Variants in CLDN19 observed in about 807,000 individuals in gnomAD.
The protein encoded by CLDN19 is claudin-19.
Under a neutral mutation model 24.5 loss-of-function variants are expected in CLDN19, and 19 were observed. The ratio of observed to expected loss-of-function variants is 0.78; its 90% CI spans 0.54 to 1.14. CLDN19 has a LOEUF of 1.14. Ranked by LOEUF, CLDN19 falls within the 50% of genes most tolerant of loss-of-function variation. CLDN19 has a pLI of 0.00. For missense variants in CLDN19, 250 were observed against 295.9 expected (o/e 0.84, Z 1.14); for synonymous variants, 117 against 129.6 (o/e 0.90, Z 0.66).
In CLDN19 at chr1:42,738,510, A is replaced by G; in HGVS notation, c.299T>C (p.Val100Ala). 6.2e-7 allele frequency: 1 copy of G among 1,614,016 alleles called. No individual in the cohort carries two copies. The highest frequency in any genetic ancestry group is 8.5e-7 in the Non-Finnish European group (1 of 1,180,024). The stretch of plus-strand genomic sequence containing the variant: ...TCCCACCCGCGTACACTTCATGCCA[A>G]CTACGCTGAGGACCATGGCCACGAA... ...LGFVAMVLSV[V>A]GMKCTRVGDS... Residue 100 changes from valine to alanine, a missense_variant, in exon 2 of 5, where the codon GTT (valine) becomes GCT (alanine). Coordinates refer to ENST00000296387, the MANE Select transcript of CLDN19 (RefSeq NM_148960.3).
chr1:42,736,486 A>G (rs1651378867), intron 3 of CLDN19, among the ~76,000 whole-genome samples: 1 of 151,856 alleles, frequency 6.6e-6, no homozygotes, highest in African/African-American at 2.4e-5. Context: ...TGGGCTCTCC[A>G]CACCCAGACC....
chr1:42,735,004 G>A lies in CLDN19; in HGVS notation c.*82C>T, dbSNP rs890355984. ...CCGAATGATACCATGATTGGGGCTG[G>A]ATGTTCACTTCTCTTTCCAAAAAAA... On this transcript the variant is annotated 3_prime_UTR_variant, in exon 5 of 5. Transcript: ENST00000296387. 47 of 1,121,536 alleles carry A rather than the reference G, an allele frequency of 4.2e-5. No homozygotes were observed. In the Middle Eastern group the frequency reaches 5.9e-4, roughly 14 times the overall value. The allele number at this position is 1,121,536 out of a possible 1,614,324, so 69.5% of individuals were successfully genotyped here.
intron 4 of CLDN19, 139 bp from the exon 5 acceptor site, chr1:42,735,273 A>C: frequency 1.3e-6 from 2 of 1,537,182 alleles, no homozygotes; most frequent in South Asian, 2.4e-5. Flanking sequence ...CCTGGGGCCC[A>C]TTCCCGGGGG....
chr1:42,736,788 A>G (rs1187680820), intron 3 of CLDN19, among the ~76,000 whole-genome samples: 1 of 152,248 alleles, frequency 6.6e-6, no homozygotes, highest in African/African-American at 2.4e-5. Flanking sequence ...CAGAGCCATC[A>G]GTGTCCCCAG....
chr1:42,734,068 C>A lies in CLDN19; in HGVS notation c.*1018G>T, dbSNP rs114944537. On this transcript the variant is annotated 3_prime_UTR_variant, in exon 5 of 5. Coordinates refer to ENST00000296387, the MANE Select transcript of CLDN19 (RefSeq NM_148960.3). ...ATGCTTTCCCCAGAAGCCTGATACG[C>A]AGTGGCCAGGGAGACTGAGTCCCGG... 3,307 of 152,634 alleles carry A rather than the reference C, an allele frequency of 0.022. 65 individuals carry two copies. Among genetic ancestry groups the A allele is most frequent in the South Asian group, 0.05 (243 of 4,830 alleles). 9.5% of individuals were successfully genotyped at this position (152,634 alleles called of 1,614,324 possible). A position where few individuals can be genotyped will look rare whatever the true frequency, so the allele number is the denominator to read the frequency against.
chr1:42,738,473 G>T lies in CLDN19; in HGVS notation c.336C>A (p.Pro112=). The part of the protein sequence containing the change: ...MKCTRVGDSN[P]IAKGRVAIAG... ...CGATGGCAACACGGCCCTTGGCAATGGGGTTGCTGTCTCCCACCCGCGTAC... is the reference window on the plus strand; with the variant it reads ...CGATGGCAACACGGCCCTTGGCAATTGGGTTGCTGTCTCCCACCCGCGTAC... The change falls in exon 2 of 5, where the codon CCC becomes CCA. Residue 112 remains proline, a synonymous_variant. Coordinates refer to ENST00000296387, the MANE Select transcript of CLDN19 (RefSeq NM_148960.3). 6.2e-7 allele frequency: 1 copy of T among 1,614,054 alleles called. No individual in the cohort carries two copies. The highest frequency in any genetic ancestry group is 8.5e-7 in the Non-Finnish European group (1 of 1,180,036).
At chr1:42,738,677 G>A in intron 1 of CLDN19, 92 bp from the exon 2 acceptor site, 6 of 1,286,096 alleles carry the variant, frequency 4.7e-6, no homozygotes, top group Non-Finnish European at 6.5e-6. Flanking sequence ...GCTTGAGAGG[G>A]GCTTGAGCAG....
chr1:42,736,059 G>C (rs992157769), intron 3 of CLDN19, 29 bp from the exon 4 acceptor site: 2 of 1,460,300 alleles, frequency 1.4e-6, no homozygotes, highest in African/African-American at 2.8e-5. Flanking sequence ...GTGGCATCAG[G>C]TGTGGCTGCC....
chr1:42,738,498 C>T lies in CLDN19; in HGVS notation c.311G>A (p.Cys104Tyr). ...GGGGTTGCTGTCTCCCACCCGCGTA[C>T]ACTTCATGCCAACTACGCTGAGGAC... ...AMVLSVVGMK[C>Y]TRVGDSNPIA... The change falls in exon 2 of 5, where the codon TGT (cysteine) becomes TAT (tyrosine). Residue 104 changes from cysteine to tyrosine, a missense_variant. Coordinates refer to ENST00000296387, the MANE Select transcript of CLDN19 (RefSeq NM_148960.3). 1 of 1,614,060 alleles carries T rather than the reference C, an allele frequency of 6.2e-7. No individual in the cohort carries two copies. The highest frequency in any genetic ancestry group is 1.1e-5 in the South Asian group (1 of 91,090).
At chr1:42,737,886 T>C (rs369523852) in intron 3 of CLDN19, among the ~76,000 whole-genome samples, 10 of 152,316 alleles carry the variant, frequency 6.6e-5, no homozygotes, top group African/African-American at 2.2e-4. Flanking sequence ...TTTCACCATG[T>C]TGGCCAGGCT....
chr1:42,738,640 G>A (rs538931998), intron 1 of CLDN19, 55 bp from the exon 2 acceptor site: 6 of 1,573,374 alleles, frequency 3.8e-6, no homozygotes, highest in Non-Finnish European at 5.2e-6. Context: ...GGTTGGGTCG[G>A]TGCCTGGGGT....
At position 42,734,565 on chromosome 1, in the gene CLDN19, C is replaced by A. The variant is rs1651292928; in HGVS notation, c.*521G>T. ...GGAGCTCCTACACTGTGTCCCCTCACCTATCGCTGATCCCCAGCATCCAGC... is the reference window on the plus strand; with the variant it reads ...GGAGCTCCTACACTGTGTCCCCTCAACTATCGCTGATCCCCAGCATCCAGC... On this transcript the variant is annotated 3_prime_UTR_variant, in exon 5 of 5. Transcript: ENST00000296387. 6.1e-6 allele frequency: 1 copy of A among 163,024 alleles called. No homozygotes were observed. The highest frequency in any genetic ancestry group is 5.7e-5 in the Admixed American group (1 of 17,434). 10.1% of individuals were successfully genotyped at this position (163,024 alleles called of 1,614,324 possible). A position where few individuals can be genotyped will look rare whatever the true frequency, so the allele number is the denominator to read the frequency against.
chr1:42,737,775 C>T (rs1315017295), intron 3 of CLDN19, among the ~76,000 whole-genome samples: 2 of 152,164 alleles, frequency 1.3e-5, no homozygotes, highest in Non-Finnish European at 1.5e-5. Flanking sequence ...TTTTGCCTCC[C>T]GGGTTCAAGC....
intron 1 of CLDN19, among the ~76,000 whole-genome samples, chr1:42,739,079 G>T (rs976854484): frequency 6.6e-6 from 1 of 152,102 alleles, no homozygotes; most frequent in African/African-American, 2.4e-5. Context: ...ACGGGTGCAT[G>T]GGTCCATCCT....
chr1:42,738,668 C>T, intron 1 of CLDN19, 83 bp from the exon 2 acceptor site: 2 of 1,389,838 alleles, frequency 1.4e-6, no homozygotes, highest in East Asian at 4.9e-5. Flanking sequence ...AGGAGCCCAG[C>T]TTGAGAGGGG....
In CLDN19 at chr1:42,735,231, G is replaced by A. The variant is rs562452279; in HGVS notation, c.627-97C>T. 346 of 1,581,946 alleles carry A rather than the reference G, an allele frequency of 2.2e-4. 3 individuals carry two copies. In the South Asian group the frequency reaches 3.1e-3, roughly 14 times the overall value. On this transcript the variant is annotated intron_variant, in intron 4 of 4. Coordinates refer to ENST00000296387, the MANE Select transcript of CLDN19 (RefSeq NM_148960.3). The stretch of plus-strand genomic sequence containing the variant: ...GGCCCGGACATGGGTACTGGCCAGC[G>A]TGGCCAGACCTTGGCCCTCACAGCA...
intron 3 of CLDN19, among the ~76,000 whole-genome samples, 173 bp from the exon 4 acceptor site, chr1:42,736,203 C>CA (rs1415624261): frequency 3.3e-5 from 5 of 152,264 alleles, no homozygotes; most frequent in Middle Eastern, 6.8e-3. Flanking sequence ...CCCTCCCCCC[C>CA]AGCCCAGAAT....
intron 4 of CLDN19, chr1:42,735,492 G>A (rs1651329757): frequency 7.1e-7 from 1 of 1,412,920 alleles, no homozygotes; most frequent in African/African-American, 1.4e-5. Context: ...GGGTACTAAG[G>A]TACGTCTTGG....
rs1291749652 is a variant in CLDN19 at position 42,739,924 on chromosome 1, T to C, written c.140A>G (p.Tyr47Cys). The change falls in exon 1 of 5, where the codon TAT (tyrosine) becomes TGT (cysteine). Residue 47 changes from tyrosine to cysteine, a missense_variant. Transcript: ENST00000296387. Reference sequence around the variant, plus strand: ...GGCGCAGGACATCCAGAGCCCTTCATAGAGGCCCACGGCAGTGATGATGGC... The same window carrying C: ...GGCGCAGGACATCCAGAGCCCTTCACAGAGGCCCACGGCAGTGATGATGGC... Reference protein sequence around the residue: ...GDAIITAVGLYEGLWMSCASQ... With the variant: ...GDAIITAVGLCEGLWMSCASQ... 9 of 1,611,978 alleles carry C rather than the reference T, an allele frequency of 5.6e-6. No homozygotes were observed. Among genetic ancestry groups the C allele is most frequent in the East Asian group, 2.2e-5 (1 of 44,852 alleles).
Sources: allele counts gnomAD v4.1 joint callset (sites outside exome capture counted in the v4.1 genomes callset), GRCh38; gene constraint gnomAD v4.1.1; transcripts MANE v1.5; gene names NCBI Gene and HGNC (gene_info 2026-07-23, HGNC 2026-07-21).